Variants in SAMD12 observed in about 807,000 individuals in gnomAD.
The protein encoded by SAMD12 is sterile alpha motif domain containing 12, also known as sterile alpha motif domain-containing protein 12.
In SAMD12, 9 loss-of-function variants were observed where a neutral mutation model predicts 15.0. The observed-to-expected ratio is 0.60, with a 90% confidence interval of 0.36 to 1.05. The LOEUF (loss-of-function observed/expected upper bound fraction) is 1.05. SAMD12 is among the 50% of genes least tolerant of loss of function. The probability of loss-of-function intolerance (pLI) is 0.01; values close to 1 mark genes in which losing one functional copy is unlikely to be tolerated. For missense variants in SAMD12, 230 were observed against 234.2 expected (o/e 0.98, Z 0.12); for synonymous variants, 86 against 90.1 (o/e 0.96, Z 0.25).
intron 4 of SAMD12, among the ~76,000 whole-genome samples, chr8:118,327,136 G>C (rs1459744224): frequency 1.3e-5 from 2 of 152,206 alleles, no homozygotes; most frequent in African/African-American, 4.8e-5. Flanking sequence ...ATTCTAATGT[G>C]ATTGATTTTT....
chr8:118,182,687 C>T, the SAMD12 span, among the ~76,000 whole-genome samples: 1 of 152,162 alleles, frequency 6.6e-6, no homozygotes, highest in South Asian at 2.1e-4. Flanking sequence ...TGGGTATTTA[C>T]TTGGTTTCCT....
intron 1 of SAMD12, among the ~76,000 whole-genome samples, chr8:118,599,254 G>A (rs1046509850): frequency 4.6e-5 from 7 of 152,164 alleles, no homozygotes. Flanking sequence ...GGTTTCCACT[G>A]CCAGAATACA....
At chr8:118,620,640 A>C (rs1828374240) in intron 1 of SAMD12, among the ~76,000 whole-genome samples, 1 of 152,114 alleles carries the variant, frequency 6.6e-6, no homozygotes, top group Non-Finnish European at 1.5e-5. Flanking sequence ...TCAGGTTGTT[A>C]AGACAGTCGT....
chr8:118,534,137 G>T (rs906093648), intron 2 of SAMD12, among the ~76,000 whole-genome samples: 3 of 152,108 alleles, frequency 2.0e-5, no homozygotes, highest in African/African-American at 7.2e-5. Context: ...GGGCAGGCCT[G>T]GTGGTGACAA....
At chr8:118,417,885 G>C (rs954266141) in intron 3 of SAMD12, among the ~76,000 whole-genome samples, 3 of 152,134 alleles carry the variant, frequency 2.0e-5, no homozygotes, top group Non-Finnish European at 2.9e-5. Flanking sequence ...TAGAATCTTA[G>C]TGTTAAAACA....
intron 4 of SAMD12, among the ~76,000 whole-genome samples, chr8:118,277,625 T>A (rs1004080962): frequency 6.6e-6 from 1 of 151,922 alleles, no homozygotes; most frequent in Non-Finnish European, 1.5e-5. Flanking sequence ...TCAAATGATA[T>A]TATTTAGGAA....
chr8:118,289,173 T>G (rs2130236507), intron 4 of SAMD12, among the ~76,000 whole-genome samples: 1 of 152,318 alleles, frequency 6.6e-6, no homozygotes, highest in South Asian at 2.1e-4. Flanking sequence ...TTTCATTTGG[T>G]GGAGTAAACC....
chr8:118,538,721 G>A (rs1825912788), intron 2 of SAMD12, among the ~76,000 whole-genome samples: 1 of 152,204 alleles, frequency 6.6e-6, no homozygotes, highest in African/African-American at 2.4e-5. Context: ...ACCAGGTACT[G>A]TCATCAACTC....
At chr8:118,613,334 A>G (rs547635854) in intron 1 of SAMD12, among the ~76,000 whole-genome samples, 1 of 152,336 alleles carries the variant, frequency 6.6e-6, no homozygotes, top group East Asian at 1.9e-4. Context: ...ATGGTACTTT[A>G]TCTTGAAAAG....
downstream of SAMD12, among the ~76,000 whole-genome samples, chr8:118,374,856 G>A (rs886982020): frequency 4.0e-5 from 6 of 151,490 alleles, no homozygotes; most frequent in Admixed American, 1.3e-4. Flanking sequence ...AGTTATAGAC[G>A]TTTCTTATAT....
At chr8:118,547,865 A>C (rs568954430) in intron 2 of SAMD12, among the ~76,000 whole-genome samples, 3 of 152,336 alleles carry the variant, frequency 2.0e-5, no homozygotes, top group African/African-American at 7.2e-5. Context: ...TCAAATATAC[A>C]AAATGTTAAA....
intron 4 of SAMD12, among the ~76,000 whole-genome samples, chr8:118,367,153 G>A (rs911949006): frequency 6.6e-5 from 10 of 151,962 alleles, no homozygotes; most frequent in East Asian, 3.9e-4. Context: ...GCCAGACACC[G>A]AGAATTGGTG....
At chr8:118,426,322 C>T (rs1027156208) in intron 3 of SAMD12, among the ~76,000 whole-genome samples, 1 of 152,150 alleles carries the variant, frequency 6.6e-6, no homozygotes, top group Non-Finnish European at 1.5e-5. Context: ...TACCTTGAGT[C>T]ACCCATTGAA....
chr8:118,518,598 G>C (rs1337405960), intron 2 of SAMD12, among the ~76,000 whole-genome samples: 1 of 152,090 alleles, frequency 6.6e-6, no homozygotes, highest in African/African-American at 2.4e-5. Flanking sequence ...AATGTTTATT[G>C]TGTTAAACTG....
the SAMD12 span, among the ~76,000 whole-genome samples, chr8:118,132,426 T>A: frequency 6.6e-6 from 1 of 152,164 alleles, no homozygotes; most frequent in African/African-American, 2.4e-5. Context: ...TCTTCCTTAG[T>A]GTGAGTCTTG....
the SAMD12 span, among the ~76,000 whole-genome samples, chr8:118,180,551 T>C: frequency 7.1e-6 from 1 of 141,102 alleles, no homozygotes; most frequent in Non-Finnish European, 1.6e-5. Context: ...TCTCTCTCCC[T>C]CTCTCTCTCT....
the SAMD12 span, among the ~76,000 whole-genome samples, chr8:118,170,929 G>C: frequency 6.6e-6 from 1 of 152,134 alleles, no homozygotes; most frequent in Non-Finnish European, 1.5e-5. Context: ...TCTTATATCT[G>C]ATAAGGGACT....
chr8:118,138,108 A>G, the SAMD12 span, among the ~76,000 whole-genome samples: 1 of 152,130 alleles, frequency 6.6e-6, no homozygotes, highest in Admixed American at 6.5e-5. Flanking sequence ...TGAAAGTAAA[A>G]TCTGATTTGG....
intron 4 of SAMD12, among the ~76,000 whole-genome samples, chr8:118,231,397 G>A (rs1812307649): frequency 6.6e-6 from 1 of 152,118 alleles, no homozygotes; most frequent in African/African-American, 2.4e-5. Context: ...AATAACCTAT[G>A]ATTTCCAATA....
Sources: gnomAD v4.1 joint callset for allele counts (sites outside exome capture counted in the v4.1 genomes callset) on GRCh38, gnomAD v4.1.1 for gene constraint, MANE v1.5 for transcripts, NCBI Gene and HGNC (gene_info 2026-07-23, HGNC 2026-07-21) for gene names.